The following CDH12 variants were observed in gnomAD, a reference collection of about 807,000 sequenced individuals.
CDH12 encodes the protein cadherin-12.
CDH12 carries 41 observed loss-of-function variants against 74.1 expected under a neutral mutation model. That is an observed-to-expected ratio of 0.55 (90% CI 0.43 to 0.72). The LOEUF is 0.72. Among genes scored for constraint, CDH12 ranks in the 30% least tolerant of loss-of-function variants. CDH12 has a pLI of 0.00. For synonymous variants in CDH12, 399 were observed against 355.0 expected, an observed-to-expected ratio of 1.12 and a Z score of -1.39; for missense variants, 945 against 977.2, an observed-to-expected ratio of 0.97 and a Z score of 0.44.
At chr5:22,617,041 T>C (rs1274707390) in intron 1 of CDH12, among the ~76,000 whole-genome samples, 1 of 151,878 alleles carries the variant, frequency 6.6e-6, no homozygotes, top group Admixed American at 6.6e-5. Context: ...ATTTTTTGTG[T>C]TTTTAATTTT....
At chr5:22,198,006 T>G (rs922423346) in intron 4 of CDH12, among the ~76,000 whole-genome samples, 7 of 151,672 alleles carry the variant, frequency 4.6e-5, no homozygotes, top group Non-Finnish European at 7.4e-5. Flanking sequence ...AACAGTAAAA[T>G]AAGTATGATT....
intron 3 of CDH12, among the ~76,000 whole-genome samples, chr5:22,254,075 A>G (rs1306794698): frequency 6.6e-6 from 1 of 151,832 alleles, no homozygotes; most frequent in Non-Finnish European, 1.5e-5. Flanking sequence ...TCTTTTCAAG[A>G]GAGTCAAATC....
intron 3 of CDH12, among the ~76,000 whole-genome samples, chr5:22,344,553 A>C (rs1580545096): frequency 6.6e-6 from 1 of 152,138 alleles, no homozygotes; most frequent in Non-Finnish European, 1.5e-5. Context: ...GGCAACAACC[A>C]CCCACAGCTA....
chr5:22,289,223 CT>C (rs1164063213), intron 3 of CDH12, among the ~76,000 whole-genome samples: 2 of 152,070 alleles, frequency 1.3e-5, no homozygotes, highest in Non-Finnish European at 2.9e-5. Flanking sequence ...TCGTAATACC[CT>C]GATACAAATC....
At chr5:22,686,307 A>G (rs1245121611) in intron 1 of CDH12, among the ~76,000 whole-genome samples, 2 of 152,138 alleles carry the variant, frequency 1.3e-5, no homozygotes, top group African/African-American at 4.8e-5. Flanking sequence ...TGATTTAAAA[A>G]TATTTTCTCC....
At position 22,457,607 on chromosome 5, in the gene CDH12, C is replaced by T. The variant is rs184103912; in HGVS notation, c.-428+47663G>A. On this transcript the variant is annotated intron_variant, in intron 2 of 14. Coordinates refer to ENST00000382254, the MANE Select transcript of CDH12 (RefSeq NM_004061.5). ...ACTAATTTTTTTTTTGAGACAGAGT[C>T]TTGCTCTGTCACCCAGGCTGGAGTG... is the stretch of plus-strand genomic sequence containing the variant. Among the ~76,000 whole-genome samples, 241 of 147,242 alleles carry T rather than the reference C, an allele frequency of 1.6e-3. 2 individuals carry two copies. The East Asian group carries it at 0.017, about 10-fold the overall frequency.
At chr5:22,401,188 T>A (rs184853832) in intron 3 of CDH12, among the ~76,000 whole-genome samples, 103 of 152,242 alleles carry the variant, frequency 6.8e-4, no homozygotes, top group African/African-American at 2.4e-3. Context: ...GGAAGTTTTT[T>A]CCTGCACAAA....
intron 3 of CDH12, among the ~76,000 whole-genome samples, chr5:22,322,474 T>G (rs938038022): frequency 1.3e-4 from 20 of 152,326 alleles, no homozygotes; most frequent in African/African-American, 4.8e-4. Flanking sequence ...ATCATTATTT[T>G]CTCTGCTCAT....
chr5:21,896,875 C>T (rs113525812), intron 6 of CDH12, among the ~76,000 whole-genome samples: 6,428 of 152,088 alleles, frequency 0.042, 179 homozygotes, highest in Non-Finnish European at 0.062. Context: ...AATTTGTCTA[C>T]AAGCACATGT....
At chr5:22,728,209 AT>A (rs920361934) in intron 1 of CDH12, among the ~76,000 whole-genome samples, 9 of 151,460 alleles carry the variant, frequency 5.9e-5, no homozygotes, top group East Asian at 3.9e-4. Flanking sequence ...AATTTCAGCT[AT>A]TTTTTTTCCC....
At chr5:22,137,280 G>A (rs1159369909) in intron 4 of CDH12, among the ~76,000 whole-genome samples, 3 of 152,132 alleles carry the variant, frequency 2.0e-5, no homozygotes, top group South Asian at 4.1e-4. Flanking sequence ...GTGTGTGACT[G>A]TGCATGCCAG....
rs115010538 is a variant in CDH12, at chr5:21,969,362, G to A, written c.526+5729C>T. Reference sequence around the variant, plus strand: ...GGTAGACTGTAGGAGAGCCCTCAGTGATCCCAGCTTTCTTGTATTCGCGTT... The same window carrying A: ...GGTAGACTGTAGGAGAGCCCTCAGTAATCCCAGCTTTCTTGTATTCGCGTT... On this transcript the variant is annotated intron_variant, in intron 6 of 14. Transcript: ENST00000382254. Among the ~76,000 whole-genome samples the A allele has an allele frequency of 6.3e-3, 951 of 152,086 alleles. 7 individuals are homozygous for A. Among genetic ancestry groups the A allele is most frequent in the African/African-American group, 0.022 (911 of 41,376 alleles).
At chr5:22,842,575 G>A (rs1352439518) in intron 1 of CDH12, among the ~76,000 whole-genome samples, 1 of 152,120 alleles carries the variant, frequency 6.6e-6, no homozygotes, top group South Asian at 2.1e-4. Flanking sequence ...TAGGCCAAGA[G>A]TACATGGTTA....
At chr5:22,027,168 T>G (rs1042271092) in intron 5 of CDH12, among the ~76,000 whole-genome samples, 3 of 152,118 alleles carry the variant, frequency 2.0e-5, no homozygotes, top group Admixed American at 2.0e-4. Context: ...TGAAGCCCAC[T>G]TGATCATGGT....
intron 11 of CDH12, among the ~76,000 whole-genome samples, chr5:21,781,141 C>T (rs750746987): frequency 1.3e-4 from 20 of 152,102 alleles, no homozygotes; most frequent in African/African-American, 1.9e-4. Flanking sequence ...CAACCTATAA[C>T]GCACCTGTTT....
At chr5:22,565,188 C>T (rs931746686) in intron 1 of CDH12, among the ~76,000 whole-genome samples, 9 of 152,156 alleles carry the variant, frequency 5.9e-5, no homozygotes, top group African/African-American at 2.2e-4. Flanking sequence ...CCTGCCCCTG[C>T]CTCCCAAAGT....
intron 1 of CDH12, among the ~76,000 whole-genome samples, chr5:22,671,646 A>T (rs1287893876): frequency 6.6e-6 from 1 of 152,068 alleles, no homozygotes; most frequent in Non-Finnish European, 1.5e-5. Context: ...GGACAGAAGA[A>T]AGTGTTTATA....
intron 3 of CDH12, among the ~76,000 whole-genome samples, chr5:22,355,116 T>A (rs1261954896): frequency 6.6e-6 from 1 of 152,178 alleles, no homozygotes; most frequent in Non-Finnish European, 1.5e-5. Flanking sequence ...TGAATATGAT[T>A]AATTTCATTT....
intron 5 of CDH12, among the ~76,000 whole-genome samples, chr5:22,040,951 A>G (rs1739530721): frequency 6.6e-6 from 1 of 152,162 alleles, no homozygotes. Flanking sequence ...ACATATATAC[A>G]TACACACACA....
Sources: allele counts gnomAD v4.1 joint callset (sites outside exome capture counted in the v4.1 genomes callset), GRCh38; gene constraint gnomAD v4.1.1; transcripts MANE v1.5; gene names NCBI Gene and HGNC (gene_info 2026-07-23, HGNC 2026-07-21).